MGAT4C: variants seen among roughly 807,000 people sequenced by gnomAD.
The protein encoded by MGAT4C is alpha-1,3-mannosyl-glycoprotein 4-beta-N-acetylglucosaminyltransferase C.
MGAT4C carries 19 observed loss-of-function variants against 40.1 expected under a neutral mutation model. The observed-to-expected ratio is 0.47, with a 90% CI of 0.33 to 0.70. MGAT4C has a LOEUF of 0.70. MGAT4C is among the 30% of genes least tolerant of loss of function. The pLI is 0.02. For synonymous variants in MGAT4C, 181 were observed against 187.1 expected, an observed-to-expected ratio of 0.97 and a Z score of 0.27; for missense variants, 491 against 563.2, an observed-to-expected ratio of 0.87 and a Z score of 1.30.
chr12:86,154,169 T>C (rs943764435), intron 1 of MGAT4C, among the ~76,000 whole-genome samples: 3 of 152,154 alleles, frequency 2.0e-5, no homozygotes, highest in Non-Finnish European at 4.4e-5. Flanking sequence ...TGGAAGGCAG[T>C]TCTCTGGGTG....
intron 2 of MGAT4C, among the ~76,000 whole-genome samples, chr12:86,612,931 G>C (rs977662451): frequency 6.6e-6 from 1 of 151,970 alleles, no homozygotes; most frequent in Non-Finnish European, 1.5e-5. Context: ...CTAATCTGAA[G>C]TGTTCATCAG....
chr12:86,597,952 C>T (rs1961604587), intron 2 of MGAT4C, among the ~76,000 whole-genome samples: 1 of 152,006 alleles, frequency 6.6e-6, no homozygotes, highest in Non-Finnish European at 1.5e-5. Context: ...ACTTGTTGGT[C>T]CTATAACACT....
chr12:86,716,330 A>T (rs1282844978), intron 2 of MGAT4C, among the ~76,000 whole-genome samples: 1 of 152,158 alleles, frequency 6.6e-6, no homozygotes, highest in Non-Finnish European at 1.5e-5. Context: ...ATTTTAGTTT[A>T]TATATTAACT....
At chr12:86,256,859 T>C (rs1952535171), upstream of MGAT4C, among the ~76,000 whole-genome samples, 2 of 152,134 alleles carry the variant, frequency 1.3e-5, no homozygotes, top group South Asian at 4.1e-4. Flanking sequence ...ATGTAGTCAA[T>C]TGTACAGTGA....
intron 4 of MGAT4C, among the ~76,000 whole-genome samples, chr12:86,294,174 T>G (rs922728953): frequency 1.3e-5 from 2 of 152,048 alleles, no homozygotes; most frequent in Non-Finnish European, 2.9e-5. Context: ...CTTAGACTTC[T>G]TTAGAAGCTA....
intron 2 of MGAT4C, among the ~76,000 whole-genome samples, chr12:86,584,844 G>A (rs575029422): frequency 2.0e-4 from 31 of 151,252 alleles, no homozygotes; most frequent in Non-Finnish European, 4.4e-5. Context: ...GTCCACGATG[G>A]CTTGTGAAGT....
chr12:86,308,654 A>G (rs1953998766), intron 4 of MGAT4C, among the ~76,000 whole-genome samples: 1 of 150,694 alleles, frequency 6.6e-6, no homozygotes. Flanking sequence ...AAAATACACA[A>G]AAACTGAGAA....
In MGAT4C at chr12:85,959,720, T is replaced by TA. The variant is rs1297338325; in HGVS notation, c.*19568dup. The TA allele has an allele frequency of 1.3e-5, 2 of 151,254 alleles. No homozygotes were observed. The highest frequency in any genetic ancestry group is 4.8e-5 in the African/African-American group (2 of 41,292). The allele number at this position is 151,254 out of a possible 1,614,324, so 9.4% of individuals were successfully genotyped here. A position where few individuals can be genotyped will look rare whatever the true frequency, so the allele number is the denominator to read the frequency against. On this transcript the variant is annotated 3_prime_UTR_variant, in exon 5 of 5. Coordinates refer to ENST00000611864, the MANE Select transcript of MGAT4C (RefSeq NM_001351288.2). ...CTTTTTTCTGCTTTTTTTTTTTTTTTATTTTCTGCTTGCTGAAATCGAGAT... is the reference window on the plus strand; with the variant it reads ...CTTTTTTCTGCTTTTTTTTTTTTTTTAATTTTCTGCTTGCTGAAATCGAGAT...
At chr12:86,709,890 A>T (rs1950528386) in intron 2 of MGAT4C, among the ~76,000 whole-genome samples, 1 of 152,184 alleles carries the variant, frequency 6.6e-6, no homozygotes. Flanking sequence ...CTTGGATGGC[A>T]TAAAATTCTT....
chr12:86,637,096 C>CTGAT lies in MGAT4C; in HGVS notation c.-229+90109_-229+90112dup, dbSNP rs549722559. 2.4e-3 allele frequency among the ~76,000 whole-genome samples: 358 copies of CTGAT among 151,922 alleles called. 1 individual carries two copies. Among genetic ancestry groups the CTGAT allele is most frequent in the Middle Eastern group, 0.017 (5 of 294 alleles). The stretch of plus-strand genomic sequence containing the variant: ...ATTTTTCTGGAGTCATAGCCACTGA[C>CTGAT]TGATTATAACAGGACAATTCTGTAC... On this transcript the variant is annotated intron_variant, in intron 2 of 7. Coordinates refer to the MGAT4C transcript ENST00000548651.
At chr12:86,339,696 T>A (rs986823323) in intron 3 of MGAT4C, among the ~76,000 whole-genome samples, 1 of 152,022 alleles carries the variant, frequency 6.6e-6, no homozygotes, top group Non-Finnish European at 1.5e-5. Flanking sequence ...GCCTCTCTGA[T>A]TAATATTCTA....
In MGAT4C at chr12:86,418,324, T is replaced by C. The variant is rs112934636; in HGVS notation, c.-120+16833A>G. ...TTAACACATAAGAGGTAATAGGGGC[T>C]GGGCACAGTGGCTCATGCCTATAAT... On this transcript the variant is annotated intron_variant, in intron 3 of 7. Coordinates refer to the MGAT4C transcript ENST00000548651. Among the ~76,000 whole-genome samples, 490 of 152,246 alleles carry C rather than the reference T, an allele frequency of 3.2e-3. 2 individuals are homozygous for C. The highest frequency in any genetic ancestry group is 0.011 in the African/African-American group (477 of 41,574).
At chr12:86,399,758 C>T (rs1014304292) in intron 3 of MGAT4C, among the ~76,000 whole-genome samples, 2 of 152,184 alleles carry the variant, frequency 1.3e-5, no homozygotes, top group African/African-American at 4.8e-5. Flanking sequence ...TGCACCCCAA[C>T]TCCACAGCAA....
chr12:86,572,946 A>T (rs1177539905), intron 2 of MGAT4C, among the ~76,000 whole-genome samples: 1 of 151,876 alleles, frequency 6.6e-6, no homozygotes, highest in Admixed American at 6.6e-5. Flanking sequence ...AATTTAACCA[A>T]TCAAAGCATG....
At chr12:86,510,369 C>A (rs1337249098) in intron 2 of MGAT4C, among the ~76,000 whole-genome samples, 2 of 152,136 alleles carry the variant, frequency 1.3e-5, no homozygotes, top group African/African-American at 4.8e-5. Flanking sequence ...AAAACCGGTA[C>A]TAGCCACTGC....
intron 1 of MGAT4C, among the ~76,000 whole-genome samples, chr12:86,070,486 T>C (rs1894981216): frequency 6.6e-6 from 1 of 152,110 alleles, no homozygotes; most frequent in Non-Finnish European, 1.5e-5. Flanking sequence ...TTTGTGTACA[T>C]TCAACCAAGA....
intron 3 of MGAT4C, among the ~76,000 whole-genome samples, chr12:86,401,243 G>T (rs1956356086): frequency 6.6e-6 from 1 of 150,582 alleles, no homozygotes; most frequent in Non-Finnish European, 1.5e-5. Flanking sequence ...TACTAAAGTT[G>T]TAGATAACAT....
chr12:86,262,631 G>C (rs1359527849), intron 4 of MGAT4C, among the ~76,000 whole-genome samples: 1 of 151,858 alleles, frequency 6.6e-6, no homozygotes, highest in African/African-American at 2.4e-5. Flanking sequence ...ACTCTCTTAG[G>C]CATATGATTC....
chr12:86,691,664 T>C (rs951998481), intron 2 of MGAT4C, among the ~76,000 whole-genome samples: 1 of 152,138 alleles, frequency 6.6e-6, no homozygotes, highest in African/African-American at 2.4e-5. Flanking sequence ...GGAAATATAA[T>C]ATTATACAGA....
Sources: gnomAD v4.1 joint callset for allele counts (sites outside exome capture counted in the v4.1 genomes callset) on GRCh38, gnomAD v4.1.1 for gene constraint, MANE v1.5 for transcripts, NCBI Gene and HGNC (gene_info 2026-07-23, HGNC 2026-07-21) for gene names.